Variants in KRT27 observed in about 807,000 individuals in gnomAD.
KRT27 encodes the protein keratin 27.
In KRT27, 30 loss-of-function variants were observed where a neutral mutation model predicts 45.3. The observed-to-expected ratio is 0.66, with a 90% CI of 0.50 to 0.90. KRT27 has a LOEUF of 0.90. Ranked by LOEUF, KRT27 falls within the 40% of genes least tolerant of loss-of-function variation. The pLI is 0.00. For missense variants in KRT27, 610 were observed against 564.3 expected (o/e 1.08, Z -0.82); for synonymous variants, 204 against 223.9 (o/e 0.91, Z 0.79).
chr17:40,780,636 G>A (rs1339651011), intron 2 of KRT27, among the ~76,000 whole-genome samples, 180 bp from the exon 3 acceptor site: 4 of 152,086 alleles, frequency 2.6e-5, no homozygotes, highest in Admixed American at 1.3e-4. Context: ...AGAGGCGGGC[G>A]GATCACGAGG....
intron 2 of KRT27, 83 bp from the exon 3 acceptor site, chr17:40,780,539 G>A (rs112981371): frequency 0.014 from 18,607 of 1,306,218 alleles, 230 homozygotes; most frequent in South Asian, 0.042. Context: ...CTCAGACTAA[G>A]CTTTGAGGTA....
intron 2 of KRT27, among the ~76,000 whole-genome samples, chr17:40,780,659 G>C (rs1472293069): frequency 6.6e-6 from 1 of 151,872 alleles, no homozygotes; most frequent in Admixed American, 6.6e-5. Context: ...AGGAGATCGA[G>C]ATCACGGTGA....
At position 40,782,345 on chromosome 17, in the gene KRT27, C is replaced by T. The variant is rs2038321695; in HGVS notation, c.149G>A (p.Gly50Glu). The T allele has an allele frequency of 4.3e-6, 7 of 1,614,020 alleles. No homozygotes were observed. Among genetic ancestry groups the T allele is most frequent in the Non-Finnish European group, 5.9e-6 (7 of 1,180,026 alleles). The change falls in exon 1 of 8, where the codon GGG (glycine) becomes GAG (glutamate). Residue 50 changes from glycine to glutamate, a missense_variant. By Grantham distance (98) the Gly-to-Glu change is moderately conservative (BLOSUM62 -2). Coordinates refer to ENST00000301656, the MANE Select transcript of KRT27 (RefSeq NM_181537.4). ...ATAGCCTCCTGCAGATGAGCTGCCC[C>T]CAAAAGCACAAGAGAAGCCACTTCC... is the stretch of plus-strand genomic sequence containing the variant. ...GIGSGFSCAF[G>E]GSSSAGGYGG... is the part of the protein sequence containing the mutation.
rs765803739 is a variant in KRT27 at position 40,777,045 on chromosome 17, T to G, written c.1334A>C (p.Lys445Thr). ...LSSRVHTVEE[K>T]STKVNNKNEQ... ...ATTCTTGTTGTTGACTTTGGTGGAT[T>G]TCTCTTCCACAGTGTGAACTCTGGA... Residue 445 changes from lysine to threonine, a missense_variant, in exon 8 of 8, where the codon AAA becomes ACA. Lys to Thr is a moderately conservative substitution (Grantham distance 78, BLOSUM62 -1). Coordinates refer to ENST00000301656, the MANE Select transcript of KRT27 (RefSeq NM_181537.4). The G allele has an allele frequency of 1.5e-5, 25 of 1,613,578 alleles. No homozygotes were observed. Among genetic ancestry groups the G allele is most frequent in the Non-Finnish European group, 2.1e-5 (25 of 1,179,612 alleles).
In KRT27 at chr17:40,777,555, C is replaced by A. The variant is rs764903463; in HGVS notation, c.1150G>T (p.Glu384Ter). The A allele has an allele frequency of 3.1e-6, 5 of 1,613,962 alleles. No individual in the cohort carries two copies. Among genetic ancestry groups the A allele is most frequent in the Non-Finnish European group, 4.2e-6 (5 of 1,179,856 alleles). Residue 384 changes from glutamate to a stop codon, truncating the protein, a stop_gained, in exon 6 of 8, where the codon GAA (glutamate) becomes TAA (stop). Coordinates refer to ENST00000301656, the MANE Select transcript of KRT27 (RefSeq NM_181537.4). LOFTEE classifies it high-confidence loss of function. ...LLDIKVHLEK[E>*]IETYCLLIDG... ...ATCAGGAGGCAGTAGGTCTCAATTT[C>A]TTTTTCCAGGTGGACCTTGATGTCA... is the stretch of plus-strand genomic sequence containing the variant.
In KRT27 at chr17:40,779,559, G is replaced by C; in HGVS notation, c.915C>G (p.Ile305Met). ...GGGTTTGAAGAGTGCGTTTCATCTCGATAAGCTCATTCCGGGCTGAGGTGG... is the reference window on the plus strand; with the variant it reads ...GGGTTTGAAGAGTGCGTTTCATCTCCATAAGCTCATTCCGGGCTGAGGTGG... ...GATTSARNEL[I>M]EMKRTLQTLE... The change falls in exon 5 of 8, where the codon ATC becomes ATG. Residue 305 changes from isoleucine (I) to methionine (M), a missense_variant. Transcript: ENST00000301656. The C allele has an allele frequency of 1.2e-6, 2 of 1,614,232 alleles. No individual in the cohort carries two copies. Among genetic ancestry groups the C allele is most frequent in the Non-Finnish European group, 1.7e-6 (2 of 1,180,028 alleles).
intron 5 of KRT27, 123 bp from the exon 6 acceptor site, chr17:40,777,855 A>G: frequency 2.0e-6 from 2 of 980,406 alleles, no homozygotes; most frequent in Non-Finnish European, 3.0e-6. Context: ...TTTACCCAAA[A>G]GATTCCACTT....
Position 40,780,409 on chromosome 17 carries a change from T to C in KRT27, c.575A>G (p.Asn192Ser), listed in dbSNP as rs147672435. 15 of 1,613,802 alleles carry C rather than the reference T, an allele frequency of 9.3e-6. No homozygotes were observed. Among genetic ancestry groups the C allele is most frequent in the East Asian group, 2.2e-5 (1 of 44,896 alleles). ...ALHQSVEADINGLRRVLDELT... is the reference protein window; with the variant it reads ...ALHQSVEADISGLRRVLDELT... Reference sequence around the variant, plus strand: ...CTCATCCAGGACTCTTCGCAAACCATTGATGTCCGCCTCCACGCTCTGGTG... The same window carrying C: ...CTCATCCAGGACTCTTCGCAAACCACTGATGTCCGCCTCCACGCTCTGGTG... The change falls in exon 3 of 8, where the codon AAT (asparagine) becomes AGT (serine). Residue 192 changes from asparagine to serine, a missense_variant. Asn to Ser is a conservative substitution (Grantham distance 46). Transcript: ENST00000301656.
chr17:40,779,959 T>A, intron 3 of KRT27, 98 bp from the exon 4 acceptor site: 1 of 1,359,400 alleles, frequency 7.4e-7, no homozygotes, highest in Non-Finnish European at 9.9e-7. Context: ...TGAAATGCAG[T>A]GGTGCAATTA....
rs184207395 is a variant in KRT27, at chr17:40,782,175, C to T, written c.319G>A (p.Glu107Lys). 2.2e-5 allele frequency: 35 copies of T among 1,614,206 alleles called. No individual in the cohort carries two copies. The African/African-American group carries it at 4.7e-4, about 22-fold the overall frequency. The change falls in exon 1 of 8, where the codon GAG becomes AAG. Residue 107 changes from glutamate (E) to lysine (K), a missense_variant. Coordinates refer to ENST00000301656, the MANE Select transcript of KRT27 (RefSeq NM_181537.4). ...TTCTGCTCCAAGTCAGCGTTGGCCTCCTCTAGGGCTCGAACATTCTCCAGG... is the reference window on the plus strand; with the variant it reads ...TTCTGCTCCAAGTCAGCGTTGGCCTTCTCTAGGGCTCGAACATTCTCCAGG... The part of the protein sequence containing the change: ...SYLENVRALE[E>K]ANADLEQKIK...
chr17:40,780,427 C>T lies in KRT27; in HGVS notation c.557G>A (p.Ser186Asn). The change falls in exon 3 of 8, where the codon AGC becomes AAC. Residue 186 changes from serine (S) to asparagine (N), a missense_variant. Transcript: ENST00000301656. ...CAAACCATTGATGTCCGCCTCCACG[C>T]TCTGGTGAAGCGCTAGCTCGTTTTC... The part of the protein sequence containing the change: ...KFENELALHQ[S>N]VEADINGLRR... 1 of 1,613,940 alleles carries T rather than the reference C, an allele frequency of 6.2e-7. No individual in the cohort carries two copies. Among genetic ancestry groups the T allele is most frequent in the Non-Finnish European group, 8.5e-7 (1 of 1,179,942 alleles).
At chr17:40,780,528 A>G (rs1293358384) in intron 2 of KRT27, 72 bp from the exon 3 acceptor site, 6 of 1,383,450 alleles carry the variant, frequency 4.3e-6, no homozygotes, top group Non-Finnish European at 6.0e-6. Context: ...TCATCATACA[A>G]CTCAGACTAA....
chr17:40,782,090 T>A lies in KRT27; in HGVS notation c.404A>T (p.Tyr135Phe). 1 of 1,613,686 alleles carries A rather than the reference T, an allele frequency of 6.2e-7. No individual in the cohort carries two copies. The highest frequency in any genetic ancestry group is 1.1e-5 in the South Asian group (1 of 91,076). ...GTCAATAATTGGGAAATATCTGCTG[T>A]AATCATGATCAAGGCCACGGCAAGA... ...PGSCRGLDHD[Y>F]SRYFPIIDEL... The change falls in exon 1 of 8, where the codon TAC (tyrosine) becomes TTC (phenylalanine). Residue 135 changes from tyrosine (Y) to phenylalanine (F), a missense_variant. Tyr to Phe is a conservative substitution (Grantham distance 22, BLOSUM62 3). Transcript: ENST00000301656.
rs1301908343 is a variant in KRT27 at position 40,782,302 on chromosome 17, C to G, written c.192G>C (p.Gly64=). 1.9e-6 allele frequency: 3 copies of G among 1,614,136 alleles called. No homozygotes were observed. The South Asian group carries it at 3.3e-5, about 18-fold the overall frequency. Reference sequence around the variant, plus strand: ...TGAAGGCAGCACAGGAAGCACTTCCCCCGCCCAGACCTCCGCCATAGCCTC... The same window carrying G: ...TGAAGGCAGCACAGGAAGCACTTCCGCCGCCCAGACCTCCGCCATAGCCTC... ...SAGGYGGGLG[G]GSASCAAFTG... is the part of the protein sequence containing the mutation. The change falls in exon 1 of 8, where the codon GGG becomes GGC. Residue 64 remains glycine, a synonymous_variant. Transcript: ENST00000301656.
rs1361482903 is a variant in KRT27 at position 40,776,964 on chromosome 17, T to G, written c.*35A>C. 1 of 1,555,630 alleles carries G rather than the reference T, an allele frequency of 6.4e-7. No homozygotes were observed. The highest frequency in any genetic ancestry group is 2.3e-5 in the East Asian group (1 of 44,008). ...GGAAACTAGCTTCATTTTGGTATTT[T>G]AATTTGGGGGCCATTCTGTCTCAGA... On this transcript the variant is annotated 3_prime_UTR_variant, in exon 8 of 8. Transcript: ENST00000301656.
At position 40,779,819 on chromosome 17, in the gene KRT27, C is replaced by A. The variant is rs764668521; in HGVS notation, c.727G>T (p.Val243Leu). 4.6e-5 allele frequency: 74 copies of A among 1,613,942 alleles called. No individual in the cohort carries two copies. The highest frequency in any genetic ancestry group is 6.0e-5 in the Non-Finnish European group (71 of 1,179,988). The change falls in exon 4 of 8, where the codon GTG (valine) becomes TTG (leucine). Residue 243 changes from valine to leucine, a missense_variant. Coordinates refer to ENST00000301656, the MANE Select transcript of KRT27 (RefSeq NM_181537.4). Reference protein sequence around the residue: ...LQCAAGGNVNVEMNAAPGVDL... With the variant: ...LQCAAGGNVNLEMNAAPGVDL... ...ACCCCGGGGGCCGCGTTCATCTCCA[C>A]GTTCACGTTGCCTCCAGCCGCGCAC...
chr17:40,780,405 A>G lies in KRT27; in HGVS notation c.579T>C (p.Gly193=), dbSNP rs750751574. The change falls in exon 3 of 8, where the codon GGT becomes GGC. Residue 193 remains glycine (G), a synonymous_variant. Coordinates refer to ENST00000301656, the MANE Select transcript of KRT27 (RefSeq NM_181537.4). The part of the protein sequence containing the change: ...LHQSVEADIN[G]LRRVLDELTL... ...TCAGCTCATCCAGGACTCTTCGCAA[A>G]CCATTGATGTCCGCCTCCACGCTCT... 5 of 1,613,898 alleles carry G rather than the reference A, an allele frequency of 3.1e-6. No homozygotes were observed. The highest frequency in any genetic ancestry group is 4.2e-6 in the Non-Finnish European group (5 of 1,179,956).
chr17:40,776,984 C>G lies in KRT27; in HGVS notation c.*15G>C. The stretch of plus-strand genomic sequence containing the variant: ...TATTTTAATTTGGGGGCCATTCTGT[C>G]TCAGAGGCTGGAGTTCAGGAAGACA... On this transcript the variant is annotated 3_prime_UTR_variant, in exon 8 of 8. Transcript: ENST00000301656. The G allele has an allele frequency of 6.3e-7, 1 of 1,595,116 alleles. No individual in the cohort carries two copies. The highest frequency in any genetic ancestry group is 8.6e-7 in the Non-Finnish European group (1 of 1,167,100).
Position 40,777,372 on chromosome 17 carries a change from G to C in KRT27, c.1191-70C>G, listed in dbSNP as rs114699212. On this transcript the variant is annotated intron_variant, in intron 6 of 7. Coordinates refer to ENST00000301656, the MANE Select transcript of KRT27 (RefSeq NM_181537.4). Reference sequence around the variant, plus strand: ...AGGAAACTGAAAAATAATGATTTAAGGTGGGAATTCACTGCATTCTGAAAT... The same window carrying C: ...AGGAAACTGAAAAATAATGATTTAACGTGGGAATTCACTGCATTCTGAAAT... 108 of 1,555,856 alleles carry C rather than the reference G, an allele frequency of 6.9e-5. No individual in the cohort carries two copies. In the African/African-American group the frequency reaches 1.4e-3, roughly 20 times the overall value.
Sources: allele counts gnomAD v4.1 joint callset (sites outside exome capture counted in the v4.1 genomes callset), GRCh38; gene constraint gnomAD v4.1.1; transcripts MANE v1.5; gene names NCBI Gene and HGNC (gene_info 2026-07-23, HGNC 2026-07-21).